EIF2B3: variants seen among roughly 807,000 people sequenced by gnomAD.
The protein encoded by EIF2B3 is eukaryotic translation initiation factor 2B subunit gamma.
A neutral mutation model predicts 54.1 loss-of-function variants in EIF2B3; 20 were observed. That is an observed-to-expected ratio of 0.37 (90% CI 0.26 to 0.54). The LOEUF (loss-of-function observed/expected upper bound fraction) is 0.54. Ranked by LOEUF, EIF2B3 falls within the 20% of genes least tolerant of loss-of-function variation. The probability of loss-of-function intolerance (pLI) is 0.86; values close to 1 mark genes in which losing one functional copy is unlikely to be tolerated. For missense variants in EIF2B3, 448 were observed against 547.8 expected (o/e 0.82, Z 1.82); for synonymous variants, 153 against 188.1 (o/e 0.81, Z 1.52).
intron 8 of EIF2B3, among the ~76,000 whole-genome samples, chr1:44,878,878 C>T (rs565718813): frequency 6.6e-6 from 1 of 152,014 alleles, no homozygotes; most frequent in South Asian, 2.1e-4. Flanking sequence ...CCCACCTCAG[C>T]CTTCCAAGTA....
At chr1:44,876,609 CG>C (rs1655165334) in intron 8 of EIF2B3, among the ~76,000 whole-genome samples, 1 of 66,460 alleles carries the variant, frequency 1.5e-5, no homozygotes, top group Admixed American at 1.8e-4. Context: ...CCGCCCCATC[CG>C]GGAGGTGAGG....
chr1:44,855,759 G>A (rs981333867), intron 11 of EIF2B3, among the ~76,000 whole-genome samples: 5 of 152,124 alleles, frequency 3.3e-5, no homozygotes, highest in African/African-American at 1.2e-4. Flanking sequence ...GTTTCACCAT[G>A]TTGGTCAGGC....
At chr1:44,930,932 A>G (rs778169103) in intron 4 of EIF2B3, among the ~76,000 whole-genome samples, 12 of 152,270 alleles carry the variant, frequency 7.9e-5, no homozygotes, top group Non-Finnish European at 1.2e-4. Flanking sequence ...ACTGTGCCCA[A>G]CCAAGGCTCT....
chr1:44,903,992 G>A (rs1428529315), intron 5 of EIF2B3, among the ~76,000 whole-genome samples: 2 of 152,112 alleles, frequency 1.3e-5, no homozygotes, highest in East Asian at 3.8e-4. Flanking sequence ...CAGGAGAATC[G>A]CTTGAACCCG....
chr1:44,976,055 G>T (rs753177535), intron 3 of EIF2B3, among the ~76,000 whole-genome samples: 27 of 152,098 alleles, frequency 1.8e-4, no homozygotes, highest in Non-Finnish European at 3.7e-4. Flanking sequence ...GGTCAGATGG[G>T]CAGAGATTTC....
At chr1:44,866,268 C>T (rs980319797) in intron 10 of EIF2B3, among the ~76,000 whole-genome samples, 2 of 151,790 alleles carry the variant, frequency 1.3e-5, no homozygotes, top group African/African-American at 2.4e-5. Flanking sequence ...CATGGTAGCA[C>T]GTGCCCGTAG....
intron 9 of EIF2B3, among the ~76,000 whole-genome samples, 161 bp downstream of exon 9, chr1:44,875,457 C>T (rs1655090637): frequency 6.6e-6 from 1 of 152,190 alleles, no homozygotes; most frequent in Non-Finnish European, 1.5e-5. Flanking sequence ...ATTACTTGCC[C>T]AGGCAGTCTT....
At chr1:44,896,682 T>C (rs1557675365) in intron 6 of EIF2B3, among the ~76,000 whole-genome samples, 2 of 152,226 alleles carry the variant, frequency 1.3e-5, no homozygotes, top group African/African-American at 4.8e-5. Flanking sequence ...TTTCCACCTG[T>C]TCCTTTGAGG....
chr1:44,951,425 T>C (rs1195828524), intron 3 of EIF2B3, among the ~76,000 whole-genome samples: 2 of 151,842 alleles, frequency 1.3e-5, no homozygotes, highest in African/African-American at 2.4e-5. Flanking sequence ...TTTGTTACAC[T>C]GATTTATAGC....
intron 4 of EIF2B3, among the ~76,000 whole-genome samples, chr1:44,938,022 C>G (rs1203674960): frequency 6.8e-6 from 1 of 147,246 alleles, no homozygotes; most frequent in Non-Finnish European, 1.5e-5. Context: ...GAAGAAAGTG[C>G]AAGGGGAAGA....
At chr1:44,925,396 C>T (rs531348290) in intron 5 of EIF2B3, 20 of 152,496 alleles carry the variant, frequency 1.3e-4, no homozygotes, top group African/African-American at 4.8e-4. Flanking sequence ...CATGGACAAA[C>T]CTTGAGGACA....
Position 44,943,443 on chromosome 1 carries a change from A to G in EIF2B3, c.295-1778T>C, listed in dbSNP as rs181362013. On this transcript the variant is annotated intron_variant, in intron 3 of 11. Transcript: ENST00000360403. The stretch of plus-strand genomic sequence containing the variant: ...ATCTAAATTTTTGTTTTTTTGAGAC[A>G]GGGTCTTGTTCTGTTACCCAGGCTG... 1.9e-3 allele frequency among the ~76,000 whole-genome samples: 293 copies of G among 150,380 alleles called. 1 individual carries two copies. The highest frequency in any genetic ancestry group is 3.2e-3 in the Non-Finnish European group (215 of 67,280).
intron 1 of EIF2B3, among the ~76,000 whole-genome samples, chr1:44,983,168 C>A (rs1644532810): frequency 2.0e-5 from 3 of 152,206 alleles, no homozygotes; most frequent in Non-Finnish European, 4.4e-5. Flanking sequence ...CCTGCCTGGG[C>A]CTCCCAAAGT....
chr1:44,958,597 A>C, intron 3 of EIF2B3: 1 of 1,465,634 alleles, frequency 6.8e-7, no homozygotes. Context: ...AATTATCAAA[A>C]GTGTGGCATC....
chr1:44,985,605 T>A (rs1644565991), intron 1 of EIF2B3, among the ~76,000 whole-genome samples: 1 of 152,172 alleles, frequency 6.6e-6, no homozygotes. Flanking sequence ...CTCAAACATG[T>A]GCATAAGGGC....
At chr1:44,961,612 T>C (rs1644285646) in intron 3 of EIF2B3, among the ~76,000 whole-genome samples, 1 of 152,194 alleles carries the variant, frequency 6.6e-6, no homozygotes, top group Non-Finnish European at 1.5e-5. Context: ...TATTTCTCTC[T>C]CCTTATAGAG....
intron 3 of EIF2B3, among the ~76,000 whole-genome samples, chr1:44,962,643 G>C (rs991964658): frequency 6.6e-6 from 1 of 152,126 alleles, no homozygotes; most frequent in African/African-American, 2.4e-5. Flanking sequence ...TCAAACTCCT[G>C]GGCTCAAGTG....
At chr1:44,959,188 A>G in intron 3 of EIF2B3, 1 of 705,514 alleles carries the variant, frequency 1.4e-6, no homozygotes, top group East Asian at 2.5e-5. Context: ...CCCATTAGGA[A>G]TAACAACTCC....
At chr1:44,903,604 T>C (rs1284499589) in intron 5 of EIF2B3, among the ~76,000 whole-genome samples, 4 of 152,258 alleles carry the variant, frequency 2.6e-5, no homozygotes, top group Non-Finnish European at 4.4e-5. Context: ...AAGCAGTTTA[T>C]AGTAGCTGCA....
Sources: gnomAD v4.1 joint callset for allele counts (sites outside exome capture counted in the v4.1 genomes callset) on GRCh38, gnomAD v4.1.1 for gene constraint, MANE v1.5 for transcripts, NCBI Gene and HGNC (gene_info 2026-07-23, HGNC 2026-07-21) for gene names.